Variants in SEPTIN9 observed in about 807,000 individuals in gnomAD.
SEPTIN9 encodes septin 9.
Under a neutral mutation model 56.6 loss-of-function variants are expected in SEPTIN9, and 13 were observed. The ratio of observed to expected loss-of-function variants is 0.23; its 90% CI spans 0.15 to 0.37. The LOEUF is 0.37. Ranked by LOEUF, SEPTIN9 falls within the 10% of genes least tolerant of loss-of-function variation. SEPTIN9 has a pLI of 1.00. For synonymous variants in SEPTIN9, 332 were observed against 334.1 expected, an observed-to-expected ratio of 0.99 and a Z score of 0.07; for missense variants, 650 against 823.1, an observed-to-expected ratio of 0.79 and a Z score of 2.57.
intron 3 of SEPTIN9, among the ~76,000 whole-genome samples, chr17:77,461,822 G>A (rs1040979193): frequency 6.6e-6 from 1 of 152,320 alleles, no homozygotes; most frequent in African/African-American, 2.4e-5. Context: ...CTGGAGACAC[G>A]GGAGAGCCCA....
chr17:77,401,255 A>G (rs2035887496), intron 2 of SEPTIN9, among the ~76,000 whole-genome samples: 1 of 152,176 alleles, frequency 6.6e-6, no homozygotes, highest in African/African-American at 2.4e-5. Flanking sequence ...CCTCGCCGGC[A>G]CTGAAAGCTC....
chr17:77,392,991 T>C (rs1302783075), intron 2 of SEPTIN9, among the ~76,000 whole-genome samples: 1 of 152,002 alleles, frequency 6.6e-6, no homozygotes, highest in African/African-American at 2.4e-5. Context: ...CTCCTCCCTA[T>C]CCGGAGCCTG....
chr17:77,494,979 C>T (rs1417414552), intron 10 of SEPTIN9, among the ~76,000 whole-genome samples: 1 of 152,222 alleles, frequency 6.6e-6, no homozygotes, highest in Non-Finnish European at 1.5e-5. Flanking sequence ...GGCCCCTCTG[C>T]CTGCAGTTCC....
At chr17:77,457,960 T>G (rs2038288846) in intron 3 of SEPTIN9, among the ~76,000 whole-genome samples, 1 of 152,170 alleles carries the variant, frequency 6.6e-6, no homozygotes. Flanking sequence ...GTCCCCTGGG[T>G]AAACCCACGC....
chr17:77,340,401 A>G (rs115800356), intron 2 of SEPTIN9, among the ~76,000 whole-genome samples: 2,341 of 152,262 alleles, frequency 0.015, 57 homozygotes, highest in African/African-American at 0.053. Context: ...CCAGCCTTCA[A>G]AAGTGCTGGG....
At chr17:77,289,216 C>T (rs2031419778) in intron 1 of SEPTIN9, among the ~76,000 whole-genome samples, 1 of 152,054 alleles carries the variant, frequency 6.6e-6, no homozygotes, top group Non-Finnish European at 1.5e-5. Flanking sequence ...CCTGCCTCAG[C>T]CTCCTGAATA....
At position 77,475,996 on chromosome 17, in the gene SEPTIN9, T is replaced by C. The variant is rs1486121277; in HGVS notation, c.722-6148T>C. On this transcript the variant is annotated intron_variant, in intron 3 of 11. Coordinates refer to ENST00000427177, the MANE Select transcript of SEPTIN9 (RefSeq NM_001113491.2). This position sits in a 1 kb window ranked among gnomAD's most constrained non-coding sequence, Gnocchi z 4.6. ...CAGGGGAATGGCATTGACTTGACCCTGAGCACTTTGTCCTGGGGTGCAGGC... is the reference window on the plus strand; with the variant it reads ...CAGGGGAATGGCATTGACTTGACCCCGAGCACTTTGTCCTGGGGTGCAGGC... 2 of 1,366,118 alleles carry C rather than the reference T, an allele frequency of 1.5e-6. No homozygotes were observed. The highest frequency in any genetic ancestry group is 1.9e-5 in the Admixed American group (1 of 52,410). The allele number at this position is 1,366,118 out of a possible 1,614,324, so 84.6% of individuals were successfully genotyped here. A position where few individuals can be genotyped will look rare whatever the true frequency, so the allele number is the denominator to read the frequency against.
chr17:77,293,773 T>A (rs925971227), intron 1 of SEPTIN9, among the ~76,000 whole-genome samples: 3 of 152,182 alleles, frequency 2.0e-5, no homozygotes, highest in African/African-American at 4.8e-5. Context: ...TTCTTCAATA[T>A]GATGACTTTG....
rs114092762 is a variant in SEPTIN9 at position 77,490,559 on chromosome 17, C to T, written c.1263-183C>T. Among the ~76,000 whole-genome samples the T allele has an allele frequency of 0.022, 3,406 of 152,310 alleles. 116 individuals carry two copies. The highest frequency in any genetic ancestry group is 0.076 in the African/African-American group (3,151 of 41,556). Reference sequence around the variant, plus strand: ...GTGTCACCTGTGTCTGGGACACACCCGTGTCCTTCCTCTGCCCCACACTCA... The same window carrying T: ...GTGTCACCTGTGTCTGGGACACACCTGTGTCCTTCCTCTGCCCCACACTCA... On this transcript the variant is annotated intron_variant, in intron 7 of 11. Coordinates refer to ENST00000427177, the MANE Select transcript of SEPTIN9 (RefSeq NM_001113491.2).
At position 77,487,911 on chromosome 17, in the gene SEPTIN9, G is replaced by A. The variant is rs746778350; in HGVS notation, c.1043-329G>A. ...TCAGGCAATCCCAGGTCCCCAAGAC[G>A]GGGACTCGCTGTGCCCACCATCCCC... On this transcript the variant is annotated intron_variant, in intron 5 of 11. Coordinates refer to ENST00000427177, the MANE Select transcript of SEPTIN9 (RefSeq NM_001113491.2). The surrounding 1 kb of genome is among the most constrained non-coding windows in gnomAD (Gnocchi z 4.3). 3.3e-5 allele frequency among the ~76,000 whole-genome samples: 5 copies of A among 152,174 alleles called. No homozygotes were observed. The highest frequency in any genetic ancestry group is 7.4e-5 in the Non-Finnish European group (5 of 68,012).
rs533769195 is a variant in SEPTIN9 at position 77,397,267 on chromosome 17, C to T, written c.77-4792C>T. 2.6e-5 allele frequency among the ~76,000 whole-genome samples: 4 copies of T among 152,284 alleles called. 1 individual carries two copies. Among genetic ancestry groups the T allele is most frequent in the African/African-American group, 7.2e-5 (3 of 41,556 alleles). On this transcript the variant is annotated intron_variant, in intron 2 of 11. Transcript: ENST00000427177. Reference sequence around the variant, plus strand: ...TTGCCTCCTCCAGCTTGCGTTGGCCCAGGCGCTCCTTGGCTCTGGCAGCAT... The same window carrying T: ...TTGCCTCCTCCAGCTTGCGTTGGCCTAGGCGCTCCTTGGCTCTGGCAGCAT...
chr17:77,427,929 C>T (rs756887194), intron 3 of SEPTIN9, among the ~76,000 whole-genome samples: 1 of 152,212 alleles, frequency 6.6e-6, no homozygotes, highest in African/African-American at 2.4e-5. Flanking sequence ...CCACTCGGGT[C>T]TGTTTAACCA....
rs1284604594 is a variant in SEPTIN9 at position 77,402,841 on chromosome 17, A to G, written c.721+138A>G. 2.1e-5 allele frequency: 17 copies of G among 827,554 alleles called. No homozygotes were observed. The highest frequency in any genetic ancestry group is 2.0e-5 in the Non-Finnish European group (11 of 548,466). The allele number at this position is 827,554 out of a possible 1,614,324, so 51.3% of individuals were successfully genotyped here. On this transcript the variant is annotated intron_variant, in intron 3 of 11. Transcript: ENST00000427177. The surrounding 1 kb of genome is among the most constrained non-coding windows in gnomAD (Gnocchi z 6.6). Reference sequence around the variant, plus strand: ...TGGAGACCCAGAAAGACCGGAATGCATGGGGGTGGGGGTCTGCAAGCTCAG... The same window carrying G: ...TGGAGACCCAGAAAGACCGGAATGCGTGGGGGTGGGGGTCTGCAAGCTCAG...
At position 77,451,813 on chromosome 17, in the gene SEPTIN9, G is replaced by C. The variant is rs1278992730; in HGVS notation, c.722-30331G>C. 6.6e-6 allele frequency among the ~76,000 whole-genome samples: 1 copy of C among 152,232 alleles called. No individual in the cohort carries two copies. Among genetic ancestry groups the C allele is most frequent in the Non-Finnish European group, 1.5e-5 (1 of 68,034 alleles). On this transcript the variant is annotated intron_variant, in intron 3 of 11. Transcript: ENST00000427177. The surrounding 1 kb of genome is among the most constrained non-coding windows in gnomAD (Gnocchi z 4.2). ...GTAAATATTTGGCCAACTAAGCTGA[G>C]TGGCTAAGTTCTCCTGCTGCCCGGA...
At chr17:77,498,465 C>CCCA in intron 11 of SEPTIN9, 58 bp from the exon 12 acceptor site, 1 of 843,876 alleles carries the variant, frequency 1.2e-6, no homozygotes, top group Non-Finnish European at 1.9e-6. Context: ...GCCCCTGCCC[C>CCCA]GCTGCCCCCA....
intron 2 of SEPTIN9, among the ~76,000 whole-genome samples, chr17:77,311,178 G>A (rs1302736386): frequency 3.9e-5 from 6 of 151,940 alleles, no homozygotes; most frequent in East Asian, 3.9e-4. Flanking sequence ...ATGGAGTGAC[G>A]CAGCCCCAGG....
chr17:77,345,340 T>C (rs2033857662), intron 2 of SEPTIN9, among the ~76,000 whole-genome samples: 1 of 152,198 alleles, frequency 6.6e-6, no homozygotes, highest in African/African-American at 2.4e-5. Flanking sequence ...AAGGCATGTA[T>C]GCAAACACAC....
At chr17:77,498,171 C>T (rs1052861745) in intron 11 of SEPTIN9, among the ~76,000 whole-genome samples, 11 of 152,080 alleles carry the variant, frequency 7.2e-5, no homozygotes, top group Admixed American at 1.3e-4. Context: ...CCCTGGACAC[C>T]GGCCTGGAGC....
intron 2 of SEPTIN9, among the ~76,000 whole-genome samples, chr17:77,362,486 T>C (rs982622198): frequency 1.3e-5 from 2 of 152,226 alleles, no homozygotes; most frequent in Non-Finnish European, 2.9e-5. Context: ...GGGTGCTCCT[T>C]GTCTAGGTTC....
Sources: allele counts gnomAD v4.1 joint callset (sites outside exome capture counted in the v4.1 genomes callset), GRCh38; gene constraint gnomAD v4.1.1; non-coding constraint Gnocchi (gnomAD v3.1); transcripts MANE v1.5; gene names NCBI Gene and HGNC (gene_info 2026-07-23, HGNC 2026-07-21).